Variants in PACRG observed in about 807,000 individuals in gnomAD.
The protein encoded by PACRG is parkin coregulated gene protein.
PACRG carries 29 observed loss-of-function variants against 29.7 expected under a neutral mutation model. The ratio of observed to expected loss-of-function variants is 0.98; its 90% CI spans 0.73 to 1.33. The LOEUF is 1.33. PACRG is among the 40% of genes most tolerant of loss of function. PACRG has a pLI of 0.00. For missense variants in PACRG, 279 were observed against 316.2 expected (o/e 0.88, Z 0.89); for synonymous variants, 116 against 118.7 (o/e 0.98, Z 0.15).
intron 3 of PACRG, among the ~76,000 whole-genome samples, chr6:163,070,678 CA>C (rs1811955980): frequency 6.6e-6 from 1 of 151,274 alleles, no homozygotes. Flanking sequence ...ACCAAAATAT[CA>C]AAATGACCAT....
intron 2 of PACRG, among the ~76,000 whole-genome samples, chr6:162,869,913 T>C (rs1335213356): frequency 1.3e-5 from 2 of 152,364 alleles, no homozygotes; most frequent in South Asian, 2.1e-4. Flanking sequence ...TGTGCGATTA[T>C]TTAATGTCTG....
At chr6:162,854,804 A>G (rs1384944610) in intron 2 of PACRG, among the ~76,000 whole-genome samples, 3 of 152,214 alleles carry the variant, frequency 2.0e-5, no homozygotes, top group African/African-American at 7.2e-5. Flanking sequence ...ACACGTGTGA[A>G]AAGCCCCACT....
intron 1 of PACRG, among the ~76,000 whole-genome samples, chr6:162,774,123 C>T (rs998303382): frequency 7.2e-5 from 11 of 152,114 alleles, no homozygotes; most frequent in Non-Finnish European, 5.9e-5. Context: ...AAGCTTTTGA[C>T]GAATGGTATT....
At chr6:163,046,671 C>T (rs922059973) in intron 2 of PACRG, 2 of 152,106 alleles carry the variant, frequency 1.3e-5, no homozygotes, top group Non-Finnish European at 2.9e-5. Context: ...ATTCTTTCGA[C>T]AAGCTGATCA....
chr6:162,926,938 G>A (rs985767175), intron 2 of PACRG, among the ~76,000 whole-genome samples: 1 of 151,862 alleles, frequency 6.6e-6, no homozygotes, highest in African/African-American at 2.4e-5. Flanking sequence ...GAATTTACAA[G>A]GAACTTAAAC....
chr6:163,234,793 A>G (rs1010723976), intron 4 of PACRG, among the ~76,000 whole-genome samples: 61 of 152,348 alleles, frequency 4.0e-4, no homozygotes, highest in African/African-American at 9.4e-4. Context: ...GAACTGAGCA[A>G]CAATGCTGTC....
intron 4 of PACRG, among the ~76,000 whole-genome samples, chr6:163,181,922 A>G (rs1779694622): frequency 6.6e-6 from 1 of 152,146 alleles, no homozygotes; most frequent in African/African-American, 2.4e-5. Flanking sequence ...CCCCCAGAAT[A>G]CTATTCACAG....
intron 4 of PACRG, among the ~76,000 whole-genome samples, chr6:163,275,452 C>G (rs1783991050): frequency 6.6e-6 from 1 of 152,154 alleles, no homozygotes; most frequent in Admixed American, 6.5e-5. Flanking sequence ...GTATTGTCCT[C>G]TAGTCATTTT....
intron 1 of PACRG, among the ~76,000 whole-genome samples, chr6:162,796,943 G>T (rs1422760855): frequency 2.0e-5 from 3 of 152,186 alleles, no homozygotes; most frequent in Admixed American, 6.5e-5. Flanking sequence ...CTCAAGAGTG[G>T]TTCATAGCAA....
chr6:163,002,343 G>A (rs1011236852), intron 2 of PACRG, among the ~76,000 whole-genome samples: 2 of 152,116 alleles, frequency 1.3e-5, no homozygotes, highest in African/African-American at 4.8e-5. Flanking sequence ...TTGATTGACG[G>A]TCAGTCAGAC....
At chr6:163,255,582 C>T (rs965277531) in intron 4 of PACRG, among the ~76,000 whole-genome samples, 5 of 151,932 alleles carry the variant, frequency 3.3e-5, no homozygotes, top group Admixed American at 6.6e-5. Flanking sequence ...GGCGACCCAC[C>T]CAATCACCTG....
chr6:162,932,118 T>G (rs1399342353), intron 2 of PACRG, among the ~76,000 whole-genome samples: 3 of 152,020 alleles, frequency 2.0e-5, no homozygotes, highest in Non-Finnish European at 2.9e-5. Flanking sequence ...ACAGCATGGA[T>G]GCATCTAAAA....
At chr6:162,834,991 A>C (rs1789098936) in intron 2 of PACRG, among the ~76,000 whole-genome samples, 1 of 152,092 alleles carries the variant, frequency 6.6e-6, no homozygotes, top group South Asian at 2.1e-4. Context: ...GAATATGCTT[A>C]CTTACATTTT....
At chr6:163,123,453 A>T in intron 4 of PACRG, among the ~76,000 whole-genome samples, 1 of 152,192 alleles carries the variant, frequency 6.6e-6, no homozygotes, top group African/African-American at 2.4e-5. Flanking sequence ...GCTTTTTATT[A>T]TAGGAAAATT....
chr6:163,248,301 T>C (rs1197588639), intron 4 of PACRG, among the ~76,000 whole-genome samples: 1 of 152,210 alleles, frequency 6.6e-6, no homozygotes. Context: ...CTATTGTTTG[T>C]AGCATTTCTT....
chr6:163,186,978 A>T (rs942103909), intron 4 of PACRG, among the ~76,000 whole-genome samples: 20 of 152,072 alleles, frequency 1.3e-4, no homozygotes, highest in African/African-American at 3.9e-4. Context: ...TCCTGCCCCC[A>T]CTTCACGGGC....
At chr6:162,785,555 T>G (rs1481563203) in intron 1 of PACRG, among the ~76,000 whole-genome samples, 106 of 135,706 alleles carry the variant, frequency 7.8e-4, no homozygotes, top group Non-Finnish European at 1.4e-3. Flanking sequence ...AGACAGTTTT[T>G]GCACAGACGG....
intron 2 of PACRG, among the ~76,000 whole-genome samples, chr6:162,984,409 C>T (rs148401160): frequency 6.6e-6 from 1 of 152,110 alleles, no homozygotes; most frequent in East Asian, 1.9e-4. Context: ...TTTTCTTTAT[C>T]AACCCCTTGA....
intron 4 of PACRG, among the ~76,000 whole-genome samples, chr6:163,115,298 A>T (rs766983484): frequency 3.9e-5 from 6 of 152,132 alleles, no homozygotes; most frequent in Non-Finnish European, 8.8e-5. Flanking sequence ...ATCTGGGGGC[A>T]TCGGGGAAGG....
Sources: gnomAD v4.1 joint callset for allele counts (sites outside exome capture counted in the v4.1 genomes callset) on GRCh38, gnomAD v4.1.1 for gene constraint, MANE v1.5 for transcripts, NCBI Gene and HGNC (gene_info 2026-07-23, HGNC 2026-07-21) for gene names.